Variants in RIMS2 observed in about 807,000 individuals in gnomAD.
The protein encoded by RIMS2 is regulating synaptic membrane exocytosis 2, also known as regulating synaptic membrane exocytosis protein 2.
RIMS2 carries 59 observed loss-of-function variants against 174.4 expected under a neutral mutation model. The ratio of observed to expected loss-of-function variants is 0.34; its 90% CI spans 0.27 to 0.42. RIMS2 has a LOEUF of 0.42. Among genes scored for constraint, RIMS2 ranks in the 10% least tolerant of loss-of-function variants. The pLI is 1.00. For synonymous variants in RIMS2, 606 were observed against 572.5 expected (o/e 1.06, Z -0.84); for missense variants, 1,620 against 1,666.3 (o/e 0.97, Z 0.48).
At chr8:103,504,791 T>G (rs542613424) in intron 1 of RIMS2, among the ~76,000 whole-genome samples, 1 of 151,628 alleles carries the variant, frequency 6.6e-6, no homozygotes, top group African/African-American at 2.4e-5. Context: ...CTAAAGTTAA[T>G]TTATAAAATT....
At chr8:103,991,856 A>G (rs1019348423) in intron 17 of RIMS2, among the ~76,000 whole-genome samples, 3 of 152,120 alleles carry the variant, frequency 2.0e-5, no homozygotes, top group African/African-American at 7.2e-5. Flanking sequence ...TGATTTTCTT[A>G]TCTGTAAAAT....
At chr8:103,563,789 C>T (rs1156821087) in intron 1 of RIMS2, among the ~76,000 whole-genome samples, 1 of 152,146 alleles carries the variant, frequency 6.6e-6, no homozygotes. Flanking sequence ...TACAGTTCCA[C>T]GTGGCTGGGA....
chr8:103,812,343 T>TTTTTTTTTTTTG (rs2098693642), intron 3 of RIMS2, among the ~76,000 whole-genome samples: 1 of 140,164 alleles, frequency 7.1e-6, no homozygotes. Context: ...TTTTTTTTTT[T>TTTTTTTTTTTTG]TTTTTTTTTT....
chr8:104,163,035 T>A (rs2098773268), intron 19 of RIMS2, among the ~76,000 whole-genome samples: 1 of 152,110 alleles, frequency 6.6e-6, no homozygotes, highest in African/African-American at 2.4e-5. Context: ...CATCATAAAA[T>A]CCTAGCTAAG....
At chr8:103,782,733 T>A (rs1456110230) in intron 3 of RIMS2, among the ~76,000 whole-genome samples, 1 of 152,146 alleles carries the variant, frequency 6.6e-6, no homozygotes, top group Non-Finnish European at 1.5e-5. Context: ...TCTTTTTTTA[T>A]CATAAGTGAG....
intron 19 of RIMS2, among the ~76,000 whole-genome samples, chr8:104,047,790 A>C (rs1050484295): frequency 6.6e-6 from 1 of 152,128 alleles, no homozygotes; most frequent in Non-Finnish European, 1.5e-5. Context: ...ATAACTGACA[A>C]GCAAATCTAT....
At chr8:103,886,294 GA>G in intron 4 of RIMS2, 71 bp downstream of exon 7, 1 of 1,328,190 alleles carries the variant, frequency 7.5e-7, no homozygotes. Flanking sequence ...TTGCATTTCT[GA>G]GTGAAAATTT....
intron 19 of RIMS2, among the ~76,000 whole-genome samples, chr8:104,210,092 AG>A (rs1285699599): frequency 6.6e-6 from 1 of 152,186 alleles, no homozygotes; most frequent in African/African-American, 2.4e-5. Flanking sequence ...CAAAGGCTAA[AG>A]TCCAAATGAC....
At chr8:104,208,383 C>A (rs535243258) in intron 19 of RIMS2, among the ~76,000 whole-genome samples, 1 of 152,104 alleles carries the variant, frequency 6.6e-6, no homozygotes, top group South Asian at 2.1e-4. Flanking sequence ...GCCTGGCCAA[C>A]AAGGTGAAAC....
chr8:103,550,193 C>G (rs1261822017), intron 1 of RIMS2, among the ~76,000 whole-genome samples: 1 of 152,144 alleles, frequency 6.6e-6, no homozygotes, highest in African/African-American at 2.4e-5. Flanking sequence ...CAAAATTGAC[C>G]ACATAGTTGG....
intron 2 of RIMS2, among the ~76,000 whole-genome samples, chr8:103,718,668 T>C (rs956347352): frequency 6.6e-6 from 1 of 151,994 alleles, no homozygotes; most frequent in Admixed American, 6.5e-5. Flanking sequence ...CCTTTTTTTT[T>C]TGTGGGGGTG....
At chr8:103,820,902 A>G (rs908764800) in intron 3 of RIMS2, among the ~76,000 whole-genome samples, 1 of 151,344 alleles carries the variant, frequency 6.6e-6, no homozygotes, top group Non-Finnish European at 1.5e-5. Context: ...ATTTATCATA[A>G]AAATATATAT....
intron 19 of RIMS2, among the ~76,000 whole-genome samples, chr8:104,065,319 C>G (rs969604303): frequency 1.3e-5 from 2 of 152,002 alleles, no homozygotes; most frequent in African/African-American, 4.8e-5. Flanking sequence ...ATCCTTTCCT[C>G]AACTAGTGAA....
intron 1 of RIMS2, among the ~76,000 whole-genome samples, chr8:103,608,915 T>C (rs573470324): frequency 6.6e-5 from 10 of 152,210 alleles, no homozygotes; most frequent in African/African-American, 1.7e-4. Flanking sequence ...GAGATGAACC[T>C]GGTACCTCAG....
chr8:104,127,953 G>C (rs1193941082), intron 19 of RIMS2, among the ~76,000 whole-genome samples: 1 of 152,100 alleles, frequency 6.6e-6, no homozygotes, highest in Non-Finnish European at 1.5e-5. Flanking sequence ...ATCTAGTCCA[G>C]AGTAACACTC....
intron 15 of RIMS2, among the ~76,000 whole-genome samples, chr8:103,973,506 TTAC>T (rs1284351145): frequency 1.3e-5 from 2 of 152,150 alleles, no homozygotes; most frequent in Non-Finnish European, 2.9e-5. Context: ...ATAAAAATAT[TTAC>T]TATATAATAG....
At chr8:104,093,071 A>T (rs2097690756) in intron 19 of RIMS2, among the ~76,000 whole-genome samples, 1 of 152,018 alleles carries the variant, frequency 6.6e-6, no homozygotes, top group African/African-American at 2.4e-5. Context: ...ATTTTATATT[A>T]TCTCTAGGTT....
chr8:103,789,193 C>T (rs888809214), intron 3 of RIMS2, among the ~76,000 whole-genome samples: 2 of 152,092 alleles, frequency 1.3e-5, no homozygotes, highest in Non-Finnish European at 2.9e-5. Context: ...GTGAGATGAA[C>T]CCGGTACCTC....
intron 19 of RIMS2, among the ~76,000 whole-genome samples, chr8:104,079,403 A>G (rs1222912766): frequency 1.3e-5 from 2 of 151,716 alleles, no homozygotes; most frequent in Non-Finnish European, 2.9e-5. Context: ...CTTTGCTTTC[A>G]TCAAGGCTCC....
Sources: allele counts gnomAD v4.1 joint callset (sites outside exome capture counted in the v4.1 genomes callset), GRCh38; gene constraint gnomAD v4.1.1; transcripts MANE v1.5; gene names NCBI Gene and HGNC (gene_info 2026-07-23, HGNC 2026-07-21).